The following ASTN2 variants were observed in gnomAD, a reference collection of about 807,000 sequenced individuals.
ASTN2 encodes astrotactin-2.
Under a neutral mutation model 139.8 loss-of-function variants are expected in ASTN2, and 54 were observed. The ratio of observed to expected loss-of-function variants is 0.39; its 90% confidence interval spans 0.31 to 0.48. The LOEUF is 0.48. Ranked by LOEUF, ASTN2 falls within the 20% of genes least tolerant of loss-of-function variation. The pLI is 0.95. For missense variants in ASTN2, 1,565 were observed against 1,725.1 expected (o/e 0.91, Z 1.64); for synonymous variants, 756 against 719.5 (o/e 1.05, Z -0.81).
intron 6 of ASTN2, among the ~76,000 whole-genome samples, chr9:117,028,749 T>C (rs902069006): frequency 1.3e-5 from 2 of 152,150 alleles, no homozygotes; most frequent in Non-Finnish European, 2.9e-5. Flanking sequence ...ATGACAGCAG[T>C]TTGGCCCAAA....
At chr9:116,799,523 C>A (rs975119397) in intron 13 of ASTN2, among the ~76,000 whole-genome samples, 1 of 152,116 alleles carries the variant, frequency 6.6e-6, no homozygotes, top group Non-Finnish European at 1.5e-5. Context: ...GAGGCTTTTG[C>A]AAAATCTACC....
chr9:117,389,338 G>A (rs1830485251), intron 1 of ASTN2, among the ~76,000 whole-genome samples: 1 of 152,172 alleles, frequency 6.6e-6, no homozygotes, highest in African/African-American at 2.4e-5. Flanking sequence ...TTACACTGCA[G>A]CTTGACCAAG....
At chr9:116,913,480 G>A (rs1016997442) in intron 10 of ASTN2, among the ~76,000 whole-genome samples, 6 of 152,010 alleles carry the variant, frequency 3.9e-5, no homozygotes, top group East Asian at 1.9e-4. Flanking sequence ...ATGAAACCCC[G>A]CTGGCTTTGT....
intron 19 of ASTN2, among the ~76,000 whole-genome samples, chr9:116,521,738 C>G (rs150696283): frequency 5.0e-4 from 76 of 152,112 alleles, no homozygotes; most frequent in African/African-American, 1.8e-3. Flanking sequence ...GGGAGAAAAT[C>G]GTCACAATCC....
At chr9:116,586,644 G>T (rs1257519608) in intron 19 of ASTN2, among the ~76,000 whole-genome samples, 1 of 152,058 alleles carries the variant, frequency 6.6e-6, no homozygotes, top group African/African-American at 2.4e-5. Flanking sequence ...CTATAGGAAG[G>T]GGGAGGGAGG....
intron 13 of ASTN2, among the ~76,000 whole-genome samples, chr9:116,781,656 C>T (rs1830221815): frequency 6.6e-6 from 1 of 152,110 alleles, no homozygotes; most frequent in South Asian, 2.1e-4. Flanking sequence ...CACTGGGGCT[C>T]TCAAAAGTGT....
chr9:116,543,353 C>T (rs1210653497), intron 19 of ASTN2, among the ~76,000 whole-genome samples: 1 of 151,566 alleles, frequency 6.6e-6, no homozygotes, highest in Non-Finnish European at 1.5e-5. Context: ...GGGAGGATCA[C>T]CCAAGCCTAG....
Position 116,812,771 on chromosome 9 carries a change from C to T in ASTN2, c.2208-6951G>A, listed in dbSNP as rs911319135. ...GGAATCAAAACTTAGGAGCTCAAGA[C>T]GTGTGTGTGAATGTGAGTGTGTGTG... On this transcript the variant is annotated intron_variant, in intron 12 of 22. Transcript: ENST00000313400. Among the ~76,000 whole-genome samples, 9 of 151,846 alleles carry T rather than the reference C, an allele frequency of 5.9e-5. 1 individual carries two copies. The highest frequency in any genetic ancestry group is 1.9e-4 in the African/African-American group (8 of 41,314).
chr9:116,691,656 C>T (rs1860573344), intron 16 of ASTN2, among the ~76,000 whole-genome samples: 2 of 152,156 alleles, frequency 1.3e-5, no homozygotes, highest in Non-Finnish European at 2.9e-5. Context: ...TTGAGTTTAT[C>T]TTAGTTGTCT....
intron 22 of ASTN2, among the ~76,000 whole-genome samples, chr9:116,427,840 C>T (rs10983151): frequency 6.6e-6 from 1 of 152,238 alleles, no homozygotes; most frequent in African/African-American, 2.4e-5. Context: ...AGTGCCCCCC[C>T]CAAGAGGAGC....
chr9:116,425,692 A>G lies in ASTN2; in HGVS notation c.*159T>C. 2 of 1,608,676 alleles carry G rather than the reference A, an allele frequency of 1.2e-6. No individual in the cohort carries two copies. The highest frequency in any genetic ancestry group is 2.7e-5 in the African/African-American group (2 of 74,498). ...TTGGTTACAAAGGTCTCTGTCCACT[A>G]TCCACAGGAGAAACCGTTTGCTTTG... is the stretch of plus-strand genomic sequence containing the variant. On this transcript the variant is annotated 3_prime_UTR_variant, in exon 23 of 23. Coordinates refer to ENST00000313400, the MANE Select transcript of ASTN2 (RefSeq NM_001365068.1).
rs111870950 is a variant in ASTN2 at position 116,644,135 on chromosome 9, G to A, written c.3072+7393C>T. Among the ~76,000 whole-genome samples, 965 of 152,276 alleles carry A rather than the reference G, an allele frequency of 6.3e-3. 7 individuals carry two copies. The highest frequency in any genetic ancestry group is 0.033 in the South Asian group (160 of 4,818). On this transcript the variant is annotated intron_variant, in intron 17 of 22. Coordinates refer to ENST00000313400, the MANE Select transcript of ASTN2 (RefSeq NM_001365068.1). The stretch of plus-strand genomic sequence containing the variant: ...CATGGTTGTAGTGATGGTAGGTACT[G>A]GTAATAACTGGGGGAGGGGGTGAGA...
chr9:116,777,782 C>A (rs1430852729), intron 13 of ASTN2, among the ~76,000 whole-genome samples: 1 of 152,152 alleles, frequency 6.6e-6, no homozygotes, highest in Non-Finnish European at 1.5e-5. Context: ...TTTTAAAATG[C>A]AGATTCTAAT....
Position 116,934,809 on chromosome 9 carries a change from T to C in ASTN2, c.1889+40399A>G, listed in dbSNP as rs145778500. On this transcript the variant is annotated intron_variant, in intron 10 of 22. Coordinates refer to ENST00000313400, the MANE Select transcript of ASTN2 (RefSeq NM_001365068.1). ...TTTGAATTCATTTAGCTCCACTGTC[T>C]GAGGCATGGCACAGACAAATGATGG... Among the ~76,000 whole-genome samples, 7 of 152,302 alleles carry C rather than the reference T, an allele frequency of 4.6e-5. No homozygotes were observed. The East Asian group carries it at 1.2e-3, about 25-fold the overall frequency.
intron 1 of ASTN2, among the ~76,000 whole-genome samples, chr9:117,388,756 C>T (rs4419882): frequency 0.1 from 15,306 of 152,048 alleles, 831 homozygotes; most frequent in East Asian, 0.18. Context: ...TAGCTGGGTC[C>T]TTAATCCCTA....
intron 2 of ASTN2, among the ~76,000 whole-genome samples, chr9:117,275,849 A>G (rs914029563): frequency 6.6e-6 from 1 of 152,070 alleles, no homozygotes; most frequent in African/African-American, 2.4e-5. Flanking sequence ...GTCTCTTCTC[A>G]TAAAGACACA....
At chr9:117,046,782 A>G (rs541148598) in intron 5 of ASTN2, among the ~76,000 whole-genome samples, 27 of 152,328 alleles carry the variant, frequency 1.8e-4, no homozygotes, top group African/African-American at 6.5e-4. Context: ...TCCTATTTCC[A>G]GTGCCTATAG....
rs1564381518 is a variant in ASTN2, at chr9:117,008,102, G to C, written c.1581C>G (p.Asp527Glu). Residue 527 changes from aspartate to glutamate, a missense_variant, in exon 7 of 23, where the codon GAC becomes GAG. By Grantham distance (45) the Asp-to-Glu change is conservative. This residue lies in a region of ASTN2 where 503 missense variants were observed against 591.7 expected (regional missense o/e 0.85). Coordinates refer to ENST00000313400, the MANE Select transcript of ASTN2 (RefSeq NM_001365068.1). ...GCTCCCATGGCTCACCGGTTTCTGG[G>C]TCGCAGAGCTGCTCACAGGCATCTG... is the stretch of plus-strand genomic sequence containing the variant. ...RTTDACEQLC[D>E]PETGECSCHE... The C allele has an allele frequency of 1.3e-6, 2 of 1,591,588 alleles. No homozygotes were observed. The highest frequency in any genetic ancestry group is 4.6e-5 in the East Asian group (2 of 43,146).
At chr9:117,018,463 G>A (rs560920770) in intron 6 of ASTN2, among the ~76,000 whole-genome samples, 5 of 152,184 alleles carry the variant, frequency 3.3e-5, no homozygotes, top group African/African-American at 9.6e-5. Flanking sequence ...CTGTGGGTTC[G>A]ATGCCAACTG....
Sources: gnomAD v4.1 joint callset for allele counts (sites outside exome capture counted in the v4.1 genomes callset) on GRCh38, gnomAD v4.1.1 for gene constraint, gnomAD v4.1.1 regional missense constraint, MANE v1.5 for transcripts, NCBI Gene and HGNC (gene_info 2026-07-23, HGNC 2026-07-21) for gene names.